The following DMD variants were observed in gnomAD, a reference collection of about 807,000 sequenced individuals.
The protein encoded by DMD is mutant dystrophin.
DMD carries 63 observed loss-of-function variants against 330.1 expected under a neutral mutation model. That is an observed-to-expected ratio of 0.19 (90% CI 0.16 to 0.24). The LOEUF (loss-of-function observed/expected upper bound fraction) is 0.24, where lower values mean the gene tolerates loss of function less well. DMD is among the 10% of genes least tolerant of loss of function. DMD has a pLI of 1.00. For synonymous variants in DMD, 1,223 were observed against 959.8 expected (o/e 1.27, Z -5.07); for missense variants, 3,344 against 2,684.1 (o/e 1.25, Z -5.43).
At chrX:32,537,636 G>A in intron 17 of DMD, among the ~76,000 whole-genome samples, 1 of 111,730 alleles carries the variant, frequency 9.0e-6, no homozygotes, top group South Asian at 3.8e-4. Flanking sequence ...TTCAGTGCTC[G>A]ATGTAGAGTA....
intron 2 of DMD, among the ~76,000 whole-genome samples, chrX:32,921,624 G>A (rs1318589999): frequency 9.0e-6 from 1 of 111,594 alleles, no homozygotes; most frequent in African/African-American, 3.3e-5. Flanking sequence ...CCCCCAGTAA[G>A]AGAGAAGGAG....
intron 7 of DMD, among the ~76,000 whole-genome samples, chrX:32,784,854 C>G (rs1278872319): frequency 1.8e-5 from 2 of 111,470 alleles, no homozygotes; most frequent in Non-Finnish European, 3.8e-5. Context: ...TCTTATATAA[C>G]AGTTACCTAT....
chrX:33,196,497 C>T (rs940159327), intron 1 of DMD, among the ~76,000 whole-genome samples: 13 of 111,526 alleles, frequency 1.2e-4, no homozygotes, highest in Non-Finnish European at 1.9e-5. Flanking sequence ...AGATTGAAAG[C>T]AAGGAGATCA....
chrX:31,304,711 T>C lies in DMD; in HGVS notation c.9224+18887A>G, dbSNP rs181661454. Reference sequence around the variant, plus strand: ...AATGTAATGAATTCATTAATACATTTGCCTTTTGCAAAACAGAAACTAGCT... The same window carrying C: ...AATGTAATGAATTCATTAATACATTCGCCTTTTGCAAAACAGAAACTAGCT... On this transcript the variant is annotated intron_variant, in intron 62 of 78. Transcript: ENST00000357033. Among the ~76,000 whole-genome samples, 473 of 110,815 alleles carry C rather than the reference T, an allele frequency of 4.3e-3. 1 individual carries two copies. The highest frequency in any genetic ancestry group is 6.7e-3 in the Non-Finnish European group (355 of 52,853).
In DMD at chrX:32,454,752, T is replaced by C. The variant is rs566704655; in HGVS notation, c.3513A>G (p.Glu1171=). 1 of 1,206,107 alleles carries C rather than the reference T, an allele frequency of 8.3e-7. No individual in the cohort carries two copies. Among genetic ancestry groups the C allele is most frequent in the African/African-American group, 1.7e-5 (1 of 57,347 alleles). ...SLQKDLSEMH[E]WMTQAEEEYL... The stretch of plus-strand genomic sequence containing the variant: ...ACTCTTCTTCAGCTTGTGTCATCCA[T>C]TCGTGCATCTCTGATAGATCTTTCT... The change falls in exon 26 of 79, where the codon GAA becomes GAG. Residue 1171 remains glutamate, a synonymous_variant. Transcript: ENST00000357033.
At chrX:32,811,193 A>G (rs926706519) in intron 6 of DMD, among the ~76,000 whole-genome samples, 4 of 107,651 alleles carry the variant, frequency 3.7e-5, no homozygotes, top group African/African-American at 1.0e-4. Flanking sequence ...AAAAAAAAAA[A>G]AAATAGCCAA....
At chrX:32,607,095 T>TA (rs2056786780) in intron 12 of DMD, among the ~76,000 whole-genome samples, 1 of 110,076 alleles carries the variant, frequency 9.1e-6, no homozygotes, top group Non-Finnish European at 1.9e-5. Context: ...CACTACACGA[T>TA]ATATCCATGT....
intron 1 of DMD, among the ~76,000 whole-genome samples, chrX:33,223,519 C>T (rs1001812131): frequency 3.0e-4 from 34 of 112,029 alleles, no homozygotes; most frequent in African/African-American, 1.1e-3. Context: ...GCAAAGACAA[C>T]CTTTTCAATA....
intron 1 of DMD, among the ~76,000 whole-genome samples, chrX:33,099,024 A>G (rs770741166): frequency 8.9e-6 from 1 of 112,421 alleles, no homozygotes; most frequent in African/African-American, 3.2e-5. Flanking sequence ...CAGTATAAGC[A>G]TGCCAGGGCA....
chrX:32,196,922 C>T (rs1436950559), intron 44 of DMD, among the ~76,000 whole-genome samples: 1 of 95,789 alleles, frequency 1.0e-5, no homozygotes, highest in African/African-American at 4.0e-5. Context: ...GGAGGCAGAG[C>T]TTGCAGTGAG....
chrX:31,275,155 T>TTGTGTGTGTGTG (rs59068818), intron 62 of DMD, among the ~76,000 whole-genome samples: 2 of 96,418 alleles, frequency 2.1e-5, no homozygotes, highest in African/African-American at 7.7e-5. Context: ...AAATCAGGTT[T>TTGTGTGTGTGTG]TGTGTGTGTG....
intron 60 of DMD, among the ~76,000 whole-genome samples, chrX:31,389,182 G>A (rs1164119956): frequency 8.9e-6 from 1 of 111,918 alleles, no homozygotes; most frequent in Non-Finnish European, 1.9e-5. Flanking sequence ...GGGGAGTGTA[G>A]ATTATTTGTG....
intron 1 of DMD, among the ~76,000 whole-genome samples, chrX:33,107,228 CT>C (rs1209995558): frequency 1.3e-4 from 14 of 105,783 alleles, no homozygotes; most frequent in Admixed American, 2.1e-4. Flanking sequence ...AGAAGAATCT[CT>C]TTAACTCAGG....
intron 7 of DMD, among the ~76,000 whole-genome samples, chrX:32,765,129 T>C (rs1349377652): frequency 9.0e-6 from 1 of 110,895 alleles, no homozygotes; most frequent in Non-Finnish European, 1.9e-5. Context: ...TTTATTCATT[T>C]TTTTAATTGC....
At chrX:31,511,239 T>TAATA (rs1190171658) in intron 55 of DMD, among the ~76,000 whole-genome samples, 3 of 107,552 alleles carry the variant, frequency 2.8e-5, no homozygotes, top group Non-Finnish European at 5.7e-5. Flanking sequence ...ACATTATACA[T>TAATA]AATATAATAT....
At chrX:32,708,724 G>C (rs143922237) in intron 7 of DMD, among the ~76,000 whole-genome samples, 1 of 111,222 alleles carries the variant, frequency 9.0e-6, no homozygotes, top group East Asian at 2.8e-4. Flanking sequence ...GAAGAAACGA[G>C]TGGACCATTG....
At chrX:33,228,814 G>T (rs2052339055) in intron 1 of DMD, among the ~76,000 whole-genome samples, 1 of 108,294 alleles carries the variant, frequency 9.2e-6, no homozygotes, top group Admixed American at 1.0e-4. Flanking sequence ...CTATTTTCCA[G>T]ACTGATATTC....
At chrX:32,449,613 C>G (rs1421843793) in intron 26 of DMD, among the ~76,000 whole-genome samples, 2 of 107,721 alleles carry the variant, frequency 1.9e-5, no homozygotes, top group East Asian at 5.8e-4. Context: ...ACACGCACCC[C>G]CTGGCCTCCA....
chrX:32,179,820 T>C (rs2096921171), intron 44 of DMD, among the ~76,000 whole-genome samples: 1 of 111,369 alleles, frequency 9.0e-6, no homozygotes, highest in African/African-American at 3.3e-5. Flanking sequence ...TCTGATGGTT[T>C]TATAAAGGGC....
Sources: gnomAD v4.1 joint callset for allele counts (sites outside exome capture counted in the v4.1 genomes callset) on GRCh38, gnomAD v4.1.1 for gene constraint, MANE v1.5 for transcripts, NCBI Gene and HGNC (gene_info 2026-07-23, HGNC 2026-07-21) for gene names.